The following DPP10 variants were observed in gnomAD, a reference collection of about 807,000 sequenced individuals.
The protein encoded by DPP10 is dipeptidyl peptidase like 10, also known as inactive dipeptidyl peptidase 10.
A neutral mutation model predicts 120.9 loss-of-function variants in DPP10; 33 were observed. The ratio of observed to expected loss-of-function variants is 0.27; its 90% CI spans 0.21 to 0.37. The LOEUF (loss-of-function observed/expected upper bound fraction) is 0.37, where lower values mean the gene tolerates loss of function less well. Among genes scored for constraint, DPP10 ranks in the 10% least tolerant of loss-of-function variants. The probability of loss-of-function intolerance (pLI) is 1.00; values close to 1 mark genes in which losing one functional copy is unlikely to be tolerated. For missense variants in DPP10, 816 were observed against 942.8 expected (o/e 0.87, Z 1.76); for synonymous variants, 337 against 326.1 (o/e 1.03, Z -0.36).
At chr2:115,568,038 C>A (rs1558861674) in intron 5 of DPP10, among the ~76,000 whole-genome samples, 1 of 152,068 alleles carries the variant, frequency 6.6e-6, no homozygotes, top group African/African-American at 2.4e-5. Context: ...ATTAGCCAGG[C>A]ATAGTGGCGC....
chr2:114,923,472 C>CTTTTTTTTTTTT (rs71394115), intron 1 of DPP10, among the ~76,000 whole-genome samples: 1 of 69,420 alleles, frequency 1.4e-5, no homozygotes, highest in Non-Finnish European at 2.5e-5. Flanking sequence ...GCCTTTTTTC[C>CTTTTTTTTTTTT]TTTTTTTTTT....
At chr2:115,565,138 A>G (rs191829667) in intron 5 of DPP10, among the ~76,000 whole-genome samples, 1 of 152,270 alleles carries the variant, frequency 6.6e-6, no homozygotes, top group African/African-American at 2.4e-5. Flanking sequence ...TTTGTGCGTA[A>G]GTATGTGTGT....
intron 3 of DPP10, among the ~76,000 whole-genome samples, chr2:115,386,641 G>T (rs902533353): frequency 4.6e-5 from 7 of 152,158 alleles, no homozygotes; most frequent in Non-Finnish European, 1.0e-4. Flanking sequence ...GTCTAAAGTT[G>T]TCTCAAGAGA....
Position 114,669,536 on chromosome 2 carries a change from G to C in DPP10, c.60+226698G>C, listed in dbSNP as rs574930810. On this transcript the variant is annotated intron_variant, in intron 1 of 25. Transcript: ENST00000410059. ...CTTTCTCACTACAGATCATCAGGTT[G>C]ACAGTATTGAATTGATGGCACCCTA... Among the ~76,000 whole-genome samples the C allele has an allele frequency of 2.6e-5, 4 of 152,196 alleles. No homozygotes were observed. In the South Asian group the frequency reaches 8.3e-4, roughly 32 times the overall value.
At chr2:114,626,991 C>T (rs958447565) in intron 1 of DPP10, among the ~76,000 whole-genome samples, 8 of 151,958 alleles carry the variant, frequency 5.3e-5, no homozygotes, top group Admixed American at 1.3e-4. Flanking sequence ...TCTGCACTAC[C>T]GTAAAATATT....
At chr2:115,833,672 TTCA>T (rs1236684350) in intron 21 of DPP10, among the ~76,000 whole-genome samples, 3 of 152,186 alleles carry the variant, frequency 2.0e-5, no homozygotes, top group Non-Finnish European at 4.4e-5. Flanking sequence ...TTAAAACTGT[TTCA>T]TGAACAAAAT....
intron 1 of DPP10, among the ~76,000 whole-genome samples, chr2:114,594,360 TC>T (rs979831130): frequency 6.8e-6 from 1 of 147,868 alleles, no homozygotes; most frequent in African/African-American, 2.5e-5. Context: ...CTTAATAAAC[TC>T]CCTTTTACAT....
intron 1 of DPP10, among the ~76,000 whole-genome samples, chr2:114,713,091 A>T (rs564768033): frequency 6.7e-6 from 1 of 149,696 alleles, no homozygotes; most frequent in African/African-American, 2.5e-5. Context: ...GGTTCAAGCG[A>T]TTCTCCTGCC....
intron 1 of DPP10, among the ~76,000 whole-genome samples, chr2:114,473,049 G>A (rs1401951359): frequency 6.6e-6 from 1 of 152,092 alleles, no homozygotes; most frequent in East Asian, 1.9e-4. Context: ...CAGCAATCTG[G>A]GCCAAATCTG....
chr2:114,881,211 A>G (rs1691575136), intron 1 of DPP10, among the ~76,000 whole-genome samples: 1 of 152,112 alleles, frequency 6.6e-6, no homozygotes, highest in Non-Finnish European at 1.5e-5. Flanking sequence ...GCTCTTGATA[A>G]TGGGTGATGT....
chr2:115,544,704 G>C (rs982274847), intron 5 of DPP10, among the ~76,000 whole-genome samples: 6 of 151,994 alleles, frequency 3.9e-5, no homozygotes, highest in Admixed American at 6.6e-5. Context: ...GTCACTCGCT[G>C]TTCTTAAGGG....
At chr2:115,454,455 A>G (rs1434255954) in intron 3 of DPP10, among the ~76,000 whole-genome samples, 3 of 151,818 alleles carry the variant, frequency 2.0e-5, no homozygotes, top group Non-Finnish European at 4.4e-5. Flanking sequence ...AAGGTAATAC[A>G]TTATATTAAC....
chr2:115,830,602 T>C (rs1290690468), intron 21 of DPP10, among the ~76,000 whole-genome samples: 2 of 152,126 alleles, frequency 1.3e-5, no homozygotes, highest in East Asian at 1.9e-4. Flanking sequence ...GAGAGCTATA[T>C]GGAAAACATG....
intron 1 of DPP10, among the ~76,000 whole-genome samples, chr2:115,168,055 C>T (rs974194395): frequency 2.6e-5 from 4 of 152,008 alleles, no homozygotes; most frequent in African/African-American, 9.7e-5. Context: ...GTCAATGTAG[C>T]AGGAGAGTGT....
At chr2:114,932,696 T>C (rs2104510163) in intron 1 of DPP10, among the ~76,000 whole-genome samples, 1 of 152,290 alleles carries the variant, frequency 6.6e-6, no homozygotes, top group South Asian at 2.1e-4. Flanking sequence ...TCTTCCGAGG[T>C]GCTGGAAATG....
chr2:114,562,126 C>CT (rs1688814460), intron 1 of DPP10, among the ~76,000 whole-genome samples: 1 of 152,132 alleles, frequency 6.6e-6, no homozygotes, highest in African/African-American at 2.4e-5. Flanking sequence ...ATTACAGGTA[C>CT]TTTTTTAAAG....
intron 19 of DPP10, among the ~76,000 whole-genome samples, chr2:115,808,989 G>A (rs115482409): frequency 0.018 from 2,776 of 152,210 alleles, 88 homozygotes; most frequent in African/African-American, 0.061. Flanking sequence ...TCAACCAAAA[G>A]CTACACTGTA....
chr2:115,322,888 C>G (rs543191230), intron 2 of DPP10, among the ~76,000 whole-genome samples: 2 of 152,154 alleles, frequency 1.3e-5, no homozygotes, highest in African/African-American at 2.4e-5. Context: ...TAAAAAAATT[C>G]TATTTGATGA....
chr2:114,609,990 A>G (rs1693149957), intron 1 of DPP10, among the ~76,000 whole-genome samples: 1 of 152,130 alleles, frequency 6.6e-6, no homozygotes, highest in Admixed American at 6.5e-5. Context: ...CCTTAAATGT[A>G]CTTGGCTATG....
Sources: gnomAD v4.1 joint callset for allele counts (sites outside exome capture counted in the v4.1 genomes callset) on GRCh38, gnomAD v4.1.1 for gene constraint, MANE v1.5 for transcripts, NCBI Gene and HGNC (gene_info 2026-07-23, HGNC 2026-07-21) for gene names.